The following TNFAIP8L3 variants were observed in gnomAD, a reference collection of about 807,000 sequenced individuals.
The protein encoded by TNFAIP8L3 is TNF alpha induced protein 8 like 3.
In TNFAIP8L3, 7 loss-of-function variants were observed where a neutral mutation model predicts 11.8. The observed-to-expected ratio is 0.59, with a 90% confidence interval of 0.34 to 1.11. The LOEUF (loss-of-function observed/expected upper bound fraction) is 1.11. Ranked by LOEUF, TNFAIP8L3 falls within the 50% of genes most tolerant of loss-of-function variation. TNFAIP8L3 has a pLI of 0.03. For synonymous variants in TNFAIP8L3, 98 were observed against 103.8 expected (o/e 0.94, Z 0.34); for missense variants, 219 against 258.6 (o/e 0.85, Z 1.05).
At chr15:51,098,375 G>C (rs956909224), upstream of TNFAIP8L3, among the ~76,000 whole-genome samples, 3 of 152,122 alleles carry the variant, frequency 2.0e-5, no homozygotes, top group Non-Finnish European at 4.4e-5. Context: ...AGTGGCCTTT[G>C]GTCCTTAGAG....
chr15:51,105,059 A>G, exon 1 of TNFAIP8L3: 1 of 1,614,128 alleles, frequency 6.2e-7, no homozygotes, highest in Non-Finnish European at 8.5e-7. Flanking sequence ...CTTGTTTGTA[A>G]CGTGGCATCC....
upstream of TNFAIP8L3, among the ~76,000 whole-genome samples, chr15:51,097,968 T>G (rs1362311395): frequency 6.6e-6 from 1 of 152,220 alleles, no homozygotes; most frequent in Non-Finnish European, 1.5e-5. Flanking sequence ...GTCTGAGGGT[T>G]ATAAGCCACC....
intron 1 of TNFAIP8L3, among the ~76,000 whole-genome samples, chr15:51,076,554 A>G (rs1240441788): frequency 2.0e-5 from 3 of 152,202 alleles, no homozygotes; most frequent in Non-Finnish European, 4.4e-5. Flanking sequence ...CTGTTTTCCA[A>G]CCAAATCACC....
At chr15:51,058,586 C>T (rs2065222168) in intron 1 of TNFAIP8L3, 143 bp from the exon 2 acceptor site, 1 of 715,262 alleles carries the variant, frequency 1.4e-6, no homozygotes, top group African/African-American at 1.8e-5. Flanking sequence ...CTAACTAAAC[C>T]CCACCCCAGC....
At chr15:51,063,594 G>T (rs2065252980) in intron 1 of TNFAIP8L3, among the ~76,000 whole-genome samples, 1 of 152,120 alleles carries the variant, frequency 6.6e-6, no homozygotes, top group Non-Finnish European at 1.5e-5. Flanking sequence ...CCAACCTTTT[G>T]TCCCTTTTAG....
rs998837521 is a variant in TNFAIP8L3 at position 51,094,447 on chromosome 15, T to A, written c.52+97A>T. On this transcript the variant is annotated intron_variant, in intron 1 of 1. Transcript: ENST00000637513. The surrounding 1 kb of genome is among the most constrained non-coding windows in gnomAD (Gnocchi z 4.4). ...ATCCCCAGTCTTGGCCTGGAAGGGG[T>A]CGGGCTGCTGAGGATCGGCTTCCCG... 1.6e-6 allele frequency: 2 copies of A among 1,288,432 alleles called. No individual in the cohort carries two copies. Among genetic ancestry groups the A allele is most frequent in the African/African-American group, 3.2e-5 (2 of 63,294 alleles). 79.8% of individuals were successfully genotyped at this position (1,288,432 alleles called of 1,614,324 possible). A position where few individuals can be genotyped will look rare whatever the true frequency, so the allele number is the denominator to read the frequency against.
At chr15:51,069,900 A>C (rs1198391278) in intron 1 of TNFAIP8L3, among the ~76,000 whole-genome samples, 1 of 152,172 alleles carries the variant, frequency 6.6e-6, no homozygotes, top group Non-Finnish European at 1.5e-5. Context: ...TGGCTCCCTA[A>C]TGACTGAGAT....
At chr15:51,088,791 C>T (rs948126591) in intron 1 of TNFAIP8L3, among the ~76,000 whole-genome samples, 9 of 152,210 alleles carry the variant, frequency 5.9e-5, no homozygotes, top group African/African-American at 2.2e-4. Context: ...TGACCACTGC[C>T]ATGTGCTGCA....
At chr15:51,104,910 G>A in intron 1 of TNFAIP8L3, 1 of 1,494,976 alleles carries the variant, frequency 6.7e-7, no homozygotes, top group Admixed American at 1.7e-5. Context: ...TCAGATGCCA[G>A]CTCTGTGCAT....
intron 1 of TNFAIP8L3, among the ~76,000 whole-genome samples, chr15:51,100,670 A>G (rs754689174): frequency 1.3e-5 from 2 of 152,208 alleles, no homozygotes; most frequent in Non-Finnish European, 2.9e-5. Flanking sequence ...TTAAGAAGAC[A>G]TATCAGGGAT....
chr15:51,090,930 A>AG (rs2065463758), intron 1 of TNFAIP8L3, among the ~76,000 whole-genome samples: 1 of 132,008 alleles, frequency 7.6e-6, no homozygotes, highest in Non-Finnish European at 1.7e-5. Flanking sequence ...CAAGCCAGAA[A>AG]GGGGAAAAAA....
intron 1 of TNFAIP8L3, chr15:51,069,584 A>G (rs1595608610): frequency 6.6e-6 from 1 of 152,208 alleles, no homozygotes; most frequent in African/African-American, 2.4e-5. Flanking sequence ...CCTCCAATCC[A>G]TCACCCATCA....
chr15:51,086,037 T>C (rs990241963), intron 1 of TNFAIP8L3, among the ~76,000 whole-genome samples: 13 of 152,218 alleles, frequency 8.5e-5, no homozygotes, highest in Admixed American at 4.6e-4. Flanking sequence ...TGTTGCACTC[T>C]CACCTTTTGA....
At chr15:51,104,374 G>A (rs11857810) in intron 1 of TNFAIP8L3, among the ~76,000 whole-genome samples, 52,253 of 151,920 alleles carry the variant, frequency 0.34, 9,514 homozygotes, top group South Asian at 0.43. Flanking sequence ...CCTAAAGCCG[G>A]CCTCTTTACT....
At chr15:51,104,627 T>C (rs1248304411) in intron 1 of TNFAIP8L3, among the ~76,000 whole-genome samples, 1 of 152,154 alleles carries the variant, frequency 6.6e-6, no homozygotes, top group Admixed American at 6.5e-5. Context: ...GGCTGTCTCC[T>C]CCCTGCCAGT....
chr15:51,058,458 ATAT>A lies in TNFAIP8L3; in HGVS notation c.53-18_53-16del, dbSNP rs759637790. ...AACATCAGGACCTATGGTAAAAAAA[ATAT>A]ATATAAAAGTTTTAGAAATATAAGA... On this transcript the variant is annotated splice_polypyrimidine_tract_variant and intron_variant, in intron 1 of 1. Transcript: ENST00000637513. 3 of 1,402,038 alleles carry A rather than the reference ATAT, an allele frequency of 2.1e-6. No individual in the cohort carries two copies. Among genetic ancestry groups the A allele is most frequent in the Non-Finnish European group, 1.9e-6 (2 of 1,058,466 alleles). 86.8% of individuals were successfully genotyped at this position (1,402,038 alleles called of 1,614,324 possible). A position where few individuals can be genotyped will look rare whatever the true frequency, so the allele number is the denominator to read the frequency against.
chr15:51,092,781 G>A (rs2065481380), intron 1 of TNFAIP8L3, among the ~76,000 whole-genome samples: 3 of 152,168 alleles, frequency 2.0e-5, no homozygotes, highest in South Asian at 4.1e-4. Context: ...ACAGGGTGCA[G>A]CAGAATTCTT....
At chr15:51,093,760 A>G (rs747833399) in intron 1 of TNFAIP8L3, among the ~76,000 whole-genome samples, 6 of 152,088 alleles carry the variant, frequency 3.9e-5, no homozygotes, top group Admixed American at 6.5e-5. Context: ...GTGGGCAGAG[A>G]CCGGCGGCAA....
At chr15:51,097,854 T>G (rs76654074), upstream of TNFAIP8L3, among the ~76,000 whole-genome samples, 10 of 151,046 alleles carry the variant, frequency 6.6e-5, no homozygotes, top group African/African-American at 1.9e-4. Flanking sequence ...ATATTTCTTG[T>G]GGGGGGGGAA....
Sources: allele counts gnomAD v4.1 joint callset (sites outside exome capture counted in the v4.1 genomes callset), GRCh38; gene constraint gnomAD v4.1.1; non-coding constraint Gnocchi (gnomAD v3.1); transcripts MANE v1.5; gene names NCBI Gene and HGNC (gene_info 2026-07-23, HGNC 2026-07-21).